The following KCNH7 variants were observed in gnomAD, a reference collection of about 807,000 sequenced individuals.
The protein encoded by KCNH7 is voltage-gated inwardly rectifying potassium channel KCNH7.
In KCNH7, 49 loss-of-function variants were observed where a neutral mutation model predicts 120.8. The ratio of observed to expected loss-of-function variants is 0.41; its 90% confidence interval spans 0.32 to 0.51. The LOEUF is 0.51. Ranked by LOEUF, KCNH7 falls within the 20% of genes least tolerant of loss-of-function variation. KCNH7 has a pLI of 0.38. For synonymous variants in KCNH7, 547 were observed against 516.1 expected (o/e 1.06, Z -0.81); for missense variants, 1,097 against 1,446.6 (o/e 0.76, Z 3.92).
chr2:162,509,385 G>T (rs1023901977), intron 5 of KCNH7, among the ~76,000 whole-genome samples: 1 of 151,440 alleles, frequency 6.6e-6, no homozygotes, highest in Admixed American at 6.6e-5. Flanking sequence ...AACAGACAAA[G>T]GTTGTTTTTA....
intron 2 of KCNH7, among the ~76,000 whole-genome samples, chr2:162,608,575 T>C (rs1682858776): frequency 6.6e-6 from 1 of 152,198 alleles, no homozygotes; most frequent in Non-Finnish European, 1.5e-5. Flanking sequence ...GTGGCAAATT[T>C]TGTCCAGTGA....
chr2:162,636,279 A>G (rs1683960726), intron 2 of KCNH7, among the ~76,000 whole-genome samples: 1 of 152,112 alleles, frequency 6.6e-6, no homozygotes, highest in Non-Finnish European at 1.5e-5. Flanking sequence ...TATCTAAAAC[A>G]TTCATCTTCT....
intron 2 of KCNH7, among the ~76,000 whole-genome samples, chr2:162,630,518 T>A (rs1007627400): frequency 2.0e-5 from 3 of 151,924 alleles, no homozygotes; most frequent in Non-Finnish European, 2.9e-5. Flanking sequence ...AAAAATGTAA[T>A]GTCATTACAG....
At chr2:162,476,473 A>G (rs1038811280) in intron 6 of KCNH7, among the ~76,000 whole-genome samples, 6 of 152,296 alleles carry the variant, frequency 3.9e-5, no homozygotes, top group Admixed American at 2.6e-4. Flanking sequence ...TAATTTTTAC[A>G]GCAGATATTA....
At chr2:162,500,393 T>A (rs1419625279) in intron 6 of KCNH7, among the ~76,000 whole-genome samples, 5 of 113,836 alleles carry the variant, frequency 4.4e-5, no homozygotes, top group Non-Finnish European at 9.4e-5. Flanking sequence ...ATAATACATG[T>A]CAATACATGC....
chr2:162,403,595 T>C (rs867758243), intron 9 of KCNH7, among the ~76,000 whole-genome samples: 4 of 151,936 alleles, frequency 2.6e-5, no homozygotes, highest in Admixed American at 2.6e-4. Flanking sequence ...GTGACACCCA[T>C]TGGAAAGGAT....
intron 11 of KCNH7, 55 bp downstream of exon 11, chr2:162,396,685 C>T (rs1441533688): frequency 7.7e-7 from 1 of 1,304,316 alleles, no homozygotes; most frequent in Non-Finnish European, 1.1e-6. Context: ...TTGTGCAATT[C>T]AAGAATAAAA....
chr2:162,752,916 A>AAGAAAAGAAAAGAAAAG (rs1688619805), intron 2 of KCNH7, among the ~76,000 whole-genome samples: 1 of 57,026 alleles, frequency 1.8e-5, no homozygotes, highest in African/African-American at 1.1e-4. Flanking sequence ...AAGAAAAGAA[A>AAGAAAAGAAAAGAAAAG]AGAAAAGAAA....
chr2:162,701,069 C>G (rs984301446), intron 2 of KCNH7, among the ~76,000 whole-genome samples: 4 of 152,074 alleles, frequency 2.6e-5, no homozygotes, highest in Non-Finnish European at 5.9e-5. Context: ...ACATTGCATC[C>G]CTGGCCCCTT....
intron 7 of KCNH7, among the ~76,000 whole-genome samples, chr2:162,442,569 C>T (rs1440696696): frequency 2.0e-5 from 3 of 151,900 alleles, no homozygotes; most frequent in African/African-American, 7.2e-5. Context: ...GGATAGAAAA[C>T]ATTTTAGGGC....
At chr2:162,719,683 T>C (rs1687256136) in intron 2 of KCNH7, among the ~76,000 whole-genome samples, 1 of 152,004 alleles carries the variant, frequency 6.6e-6, no homozygotes, top group Non-Finnish European at 1.5e-5. Flanking sequence ...TGTGGGCTGG[T>C]TACTAAATAC....
At chr2:162,622,720 C>A (rs537360984) in intron 2 of KCNH7, among the ~76,000 whole-genome samples, 1 of 152,254 alleles carries the variant, frequency 6.6e-6, no homozygotes, top group East Asian at 1.9e-4. Flanking sequence ...CCAGTTGCAA[C>A]TGGTCGTAAA....
chr2:162,752,944 A>AAAAGAAAAG (rs1559116277), intron 2 of KCNH7, among the ~76,000 whole-genome samples: 1 of 102,578 alleles, frequency 9.7e-6, no homozygotes, highest in Non-Finnish European at 1.7e-5. Flanking sequence ...AAAAGAAAAG[A>AAAAGAAAAG]AAAGAAAAGA....
chr2:162,503,446 A>C (rs1003709167), intron 6 of KCNH7, among the ~76,000 whole-genome samples: 2 of 152,034 alleles, frequency 1.3e-5, no homozygotes, highest in Non-Finnish European at 2.9e-5. Flanking sequence ...AAATATATAG[A>C]AAAAATGCTC....
At chr2:162,518,235 C>T in intron 3 of KCNH7, 77 bp from the exon 4 acceptor site, 1 of 1,009,750 alleles carries the variant, frequency 9.9e-7, no homozygotes, top group Non-Finnish European at 1.5e-6. Flanking sequence ...ATTGTTGACT[C>T]ATATTTAAAC....
intron 2 of KCNH7, among the ~76,000 whole-genome samples, chr2:162,789,193 A>G (rs1157648608): frequency 6.6e-6 from 1 of 152,034 alleles, no homozygotes; most frequent in African/African-American, 2.4e-5. Context: ...AACTCACAGT[A>G]AATAAGAACA....
intron 2 of KCNH7, among the ~76,000 whole-genome samples, chr2:162,831,400 A>C (rs1685472933): frequency 1.3e-5 from 2 of 152,130 alleles, no homozygotes; most frequent in African/African-American, 4.8e-5. Flanking sequence ...GACCACTTCG[A>C]ATATCTCTCA....
intron 3 of KCNH7, among the ~76,000 whole-genome samples, chr2:162,519,028 G>A (rs1460342709): frequency 6.6e-6 from 1 of 151,566 alleles, no homozygotes; most frequent in African/African-American, 2.4e-5. Context: ...AATACAAGAG[G>A]ATATAATTTT....
intron 2 of KCNH7, among the ~76,000 whole-genome samples, chr2:162,741,241 CAT>C (rs1451138336): frequency 1.1e-4 from 17 of 148,606 alleles, no homozygotes; most frequent in South Asian, 4.2e-4. Flanking sequence ...ATATTAATAA[CAT>C]ATGTTATTAG....
Sources: gnomAD v4.1 joint callset for allele counts (sites outside exome capture counted in the v4.1 genomes callset) on GRCh38, gnomAD v4.1.1 for gene constraint, MANE v1.5 for transcripts, NCBI Gene and HGNC (gene_info 2026-07-23, HGNC 2026-07-21) for gene names.